The following IL12RB1 variants were observed in gnomAD, a reference collection of about 807,000 sequenced individuals.
IL12RB1 encodes interleukin-12 receptor subunit beta-1.
IL12RB1 carries 64 observed loss-of-function variants against 94.4 expected under a neutral mutation model. That is an observed-to-expected ratio of 0.68 (90% CI 0.55 to 0.83). IL12RB1 has a LOEUF of 0.83. Ranked by LOEUF, IL12RB1 falls within the 40% of genes least tolerant of loss-of-function variation. The pLI is 0.00. For missense variants in IL12RB1, 814 were observed against 855.6 expected, an observed-to-expected ratio of 0.95 and a Z score of 0.61; for synonymous variants, 362 against 355.5, an observed-to-expected ratio of 1.02 and a Z score of -0.21.
rs749921954 is a variant in IL12RB1 at position 18,069,593 on chromosome 19, G to T, written c.1142C>A (p.Ala381Asp). ...TTGCGGCGCAGTCAGGCTGCAGGTG[G>T]CAAGGCCCCCGTCCTGGCCCACAGG... ...WQPVGQDGGL[A>D]TCSLTAPQDP... The change falls in exon 10 of 17, where the codon GCC (alanine) becomes GAC (aspartate). Residue 381 changes from alanine to aspartate, a missense_variant. Physicochemically the swap from Ala to Asp is moderately radical, Grantham distance 126 (BLOSUM62 -2). Coordinates refer to ENST00000593993, the MANE Select transcript of IL12RB1 (RefSeq NM_005535.3). 1 of 1,612,384 alleles carries T rather than the reference G, an allele frequency of 6.2e-7. No individual in the cohort carries two copies.
chr19:18,066,178 G>A (rs922744912), intron 12 of IL12RB1, among the ~76,000 whole-genome samples: 18 of 151,830 alleles, frequency 1.2e-4, no homozygotes, highest in Non-Finnish European at 2.1e-4. Flanking sequence ...TACAATCTCG[G>A]CTCACTGCAA....
intron 4 of IL12RB1, among the ~76,000 whole-genome samples, chr19:18,079,875 C>T (rs1345339345): frequency 1.3e-5 from 2 of 151,586 alleles, no homozygotes; most frequent in Non-Finnish European, 2.9e-5. Flanking sequence ...CCAGCCTGGG[C>T]GACAGAGCGA....
upstream of IL12RB1, among the ~76,000 whole-genome samples, chr19:18,088,867 T>G (rs1403155790): frequency 6.6e-6 from 1 of 151,946 alleles, no homozygotes; most frequent in Non-Finnish European, 1.5e-5. Flanking sequence ...CTGTCTCTAC[T>G]AAAAATACAA....
chr19:18,072,295 C>G lies in IL12RB1; in HGVS notation c.838G>C (p.Val280Leu). Residue 280 changes from valine (V) to leucine (L), a missense_variant, in exon 9 of 17, where the codon GTC becomes CTC. Coordinates refer to ENST00000593993, the MANE Select transcript of IL12RB1 (RefSeq NM_005535.3). ...GCQGLAPGTE[V>L]TYRLQLHMLS... ...ATGTGGAGCTGTAGTCGGTAAGTGA[C>G]CTCCGTGCCAGGCGCCAGCCCTTGA... The G allele has an allele frequency of 6.2e-7, 1 of 1,614,082 alleles. No individual in the cohort carries two copies. The highest frequency in any genetic ancestry group is 1.1e-5 in the South Asian group (1 of 91,058).
At chr19:18,073,198 A>G (rs2035205186) in intron 8 of IL12RB1, among the ~76,000 whole-genome samples, 1 of 152,016 alleles carries the variant, frequency 6.6e-6, no homozygotes, top group African/African-American at 2.4e-5. Context: ...TTAAAGCAAT[A>G]ATCTGCTACC....
intron 1 of IL12RB1, chr19:18,097,881 A>T: frequency 8.2e-7 from 1 of 1,216,420 alleles, no homozygotes; most frequent in Middle Eastern, 3.1e-4. Context: ...GGCCAAGTGG[A>T]CGCGGCCTGA....
intron 1 of IL12RB1, among the ~76,000 whole-genome samples, chr19:18,095,650 A>G (rs1447294086): frequency 2.6e-5 from 4 of 152,194 alleles, no homozygotes; most frequent in African/African-American, 9.6e-5. Flanking sequence ...AATTTATTGC[A>G]CACTTTAAAA....
chr19:18,087,211 T>A (rs1020392447), upstream of IL12RB1, among the ~76,000 whole-genome samples: 2 of 73,526 alleles, frequency 2.7e-5, no homozygotes, highest in South Asian at 3.4e-4. Context: ...CTCTAGCCAA[T>A]TTTTTTTTTT....
chr19:18,096,279 G>C (rs866231606), intron 1 of IL12RB1, among the ~76,000 whole-genome samples: 56 of 152,008 alleles, frequency 3.7e-4, no homozygotes, highest in African/African-American at 1.3e-3. Context: ...GTGCTATTTT[G>C]GGACTTTGGG....
Position 18,080,984 on chromosome 19 carries a change from C to T in IL12RB1, c.257G>A (p.Cys86Tyr), listed in dbSNP as rs753438288. 1 of 1,612,834 alleles carries T rather than the reference C, an allele frequency of 6.2e-7. No homozygotes were observed. The change falls in exon 4 of 17, where the codon TGC becomes TAC. Residue 86 changes from cysteine to tyrosine, a missense_variant. Cys to Tyr is a radical substitution (Grantham distance 194). Coordinates refer to ENST00000593993, the MANE Select transcript of IL12RB1 (RefSeq NM_005535.3). ...GGCTGAGCCGGCGGCGAAGTAGCAG[C>T]AGCGCCCGGAGCTAAGGCTGCAGCA... ...FLRCCLSSGR[C>Y]CYFAAGSATR...
chr19:18,079,718 A>T (rs2146367846), intron 4 of IL12RB1, among the ~76,000 whole-genome samples: 1 of 151,878 alleles, frequency 6.6e-6, no homozygotes, highest in Non-Finnish European at 1.5e-5. Flanking sequence ...GACCACGGTG[A>T]AACCCCGTCT....
chr19:18,098,192 TA>T, intron 1 of IL12RB1, among the ~76,000 whole-genome samples: 1 of 152,166 alleles, frequency 6.6e-6, no homozygotes, highest in Admixed American at 6.5e-5. Context: ...AGCGATGTAT[TA>T]ATATGAGTTC....
Position 18,059,555 on chromosome 19 carries a change from G to C in IL12RB1, c.*53C>G, listed in dbSNP as rs760387303. 5 of 777,124 alleles carry C rather than the reference G, an allele frequency of 6.4e-6. No individual in the cohort carries two copies. Among genetic ancestry groups the C allele is most frequent in the Non-Finnish European group, 1.2e-5 (5 of 416,218 alleles). The allele number at this position is 777,124 out of a possible 1,614,324, so 48.1% of individuals were successfully genotyped here. A position where few individuals can be genotyped will look rare whatever the true frequency, so the allele number is the denominator to read the frequency against. On this transcript the variant is annotated 3_prime_UTR_variant, in exon 17 of 17. Transcript: ENST00000593993. The stretch of plus-strand genomic sequence containing the variant: ...TTATTTGGGTCCAAATGTGACTCCT[G>C]TGTGTGCTACGTAGCCTCGGGCGAG...
intron 2 of IL12RB1, 94 bp downstream of exon 2, chr19:18,083,338 G>T: frequency 1.7e-6 from 2 of 1,171,610 alleles, no homozygotes; most frequent in Non-Finnish European, 2.6e-6. Context: ...TGGGTCTTTG[G>T]CCTGGTGGTG....
At chr19:18,088,524 A>G (rs1311158572), upstream of IL12RB1, among the ~76,000 whole-genome samples, 1 of 150,828 alleles carries the variant, frequency 6.6e-6, no homozygotes, top group Non-Finnish European at 1.5e-5. Flanking sequence ...TGATTGTGCC[A>G]CTGCACTCCA....
intron 6 of IL12RB1, 132 bp from the exon 7 acceptor site, chr19:18,076,000 A>G: frequency 1.1e-6 from 1 of 883,834 alleles, no homozygotes; most frequent in South Asian, 1.4e-5. Context: ...GGCTCAGCAG[A>G]AGCAGGCCAG....
At chr19:18,069,941 A>T (rs2034900725) in intron 9 of IL12RB1, among the ~76,000 whole-genome samples, 1 of 151,750 alleles carries the variant, frequency 6.6e-6, no homozygotes, top group South Asian at 2.1e-4. Flanking sequence ...TTGGAGACGG[A>T]TTCTTGCTCT....
At chr19:18,077,284 C>T (rs1599529286) in intron 5 of IL12RB1, among the ~76,000 whole-genome samples, 1 of 152,008 alleles carries the variant, frequency 6.6e-6, no homozygotes, top group Admixed American at 6.6e-5. Flanking sequence ...ATCGCTTGAA[C>T]CCGGGAGGCA....
intron 12 of IL12RB1, among the ~76,000 whole-genome samples, chr19:18,066,211 G>A (rs894512190): frequency 1.3e-5 from 2 of 151,832 alleles, no homozygotes; most frequent in Admixed American, 6.6e-5. Flanking sequence ...GGGTTCAAGC[G>A]ATTCTCCTGC....
Sources: gnomAD v4.1 joint callset for allele counts (sites outside exome capture counted in the v4.1 genomes callset) on GRCh38, gnomAD v4.1.1 for gene constraint, MANE v1.5 for transcripts, NCBI Gene and HGNC (gene_info 2026-07-23, HGNC 2026-07-21) for gene names.